PUDP: variants seen among roughly 807,000 people sequenced by gnomAD.
PUDP encodes pseudouridine 5'-phosphatase, also known as pseudouridine-5'-phosphatase.
A neutral mutation model predicts 9.4 loss-of-function variants in PUDP; 8 were observed. The observed-to-expected ratio is 0.85, with a 90% CI of 0.50 to 1.53. The LOEUF (loss-of-function observed/expected upper bound fraction) is 1.53. PUDP is among the 40% of genes most tolerant of loss of function. The probability of loss-of-function intolerance (pLI) is 0.00; values close to 1 mark genes in which losing one functional copy is unlikely to be tolerated. For missense variants in PUDP, 188 were observed against 189.7 expected, an observed-to-expected ratio of 0.99 and a Z score of 0.05; for synonymous variants, 99 against 80.7, an observed-to-expected ratio of 1.23 and a Z score of -1.22.
intron 3 of PUDP, among the ~76,000 whole-genome samples, chrX:7,060,396 C>A (rs941922191): frequency 3.6e-5 from 4 of 112,059 alleles, no homozygotes; most frequent in Non-Finnish European, 7.5e-5. Flanking sequence ...GTAGAATGTT[C>A]ATGAGGTAAG....
intron 3 of PUDP, among the ~76,000 whole-genome samples, chrX:6,899,890 A>T (rs1223059489): frequency 9.0e-6 from 1 of 111,393 alleles, no homozygotes. Context: ...CTTCAGGCCT[A>T]ACTGGAAAAA....
chrX:6,747,459 C>G (rs1243763436), intron 3 of PUDP, among the ~76,000 whole-genome samples: 1 of 112,285 alleles, frequency 8.9e-6, no homozygotes, highest in African/African-American at 3.2e-5. Flanking sequence ...CTATACATAT[C>G]ATTTTAGAGA....
At chrX:6,713,824 C>T (rs2146652177) in intron 1 of PUDP, among the ~76,000 whole-genome samples, 1 of 111,089 alleles carries the variant, frequency 9.0e-6, no homozygotes, top group South Asian at 3.8e-4. Context: ...GTGAAGAGCA[C>T]AGCTTAAGAG....
intron 3 of PUDP, among the ~76,000 whole-genome samples, chrX:6,944,110 C>T (rs1174203235): frequency 1.8e-5 from 2 of 110,974 alleles, no homozygotes; most frequent in African/African-American, 6.6e-5. Context: ...GTGGGAGGGA[C>T]CTGGTGGGAG....
chrX:6,759,884 G>T (rs1925209756), intron 3 of PUDP, among the ~76,000 whole-genome samples: 1 of 55,146 alleles, frequency 1.8e-5, no homozygotes, highest in South Asian at 1.6e-3. Flanking sequence ...ATAGCAACAT[G>T]GAGCAGTGCT....
chrX:6,938,670 A>G (rs1928349612), intron 3 of PUDP, among the ~76,000 whole-genome samples: 1 of 109,087 alleles, frequency 9.2e-6, no homozygotes, highest in Admixed American at 9.8e-5. Context: ...TAAAGTGAGG[A>G]CTAAATCTCA....
At chrX:6,723,179 A>G (rs1322750374), upstream of PUDP, among the ~76,000 whole-genome samples, 1 of 109,764 alleles carries the variant, frequency 9.1e-6, no homozygotes, top group Non-Finnish European at 1.9e-5. Flanking sequence ...ATAGATGTAC[A>G]TATGTGAACC....
chrX:6,884,545 G>A (rs1304988632), intron 3 of PUDP, among the ~76,000 whole-genome samples: 1 of 111,861 alleles, frequency 8.9e-6, no homozygotes, highest in East Asian at 2.8e-4. Context: ...AGTGATACAA[G>A]AAAGCAAATT....
At chrX:7,119,837 A>G in intron 1 of PUDP, among the ~76,000 whole-genome samples, 1 of 112,325 alleles carries the variant, frequency 8.9e-6, no homozygotes, top group Middle Eastern at 4.6e-3. Flanking sequence ...TGTATTGGGG[A>G]AAAATATTGA....
chrX:6,727,158 A>G (rs1189947420), intron 3 of PUDP, among the ~76,000 whole-genome samples: 1 of 111,524 alleles, frequency 9.0e-6, no homozygotes, highest in Non-Finnish European at 1.9e-5. Flanking sequence ...CATAAAACTG[A>G]TAAACAGATT....
downstream of PUDP, among the ~76,000 whole-genome samples, chrX:7,048,303 A>G (rs1930013309): frequency 8.9e-6 from 1 of 112,244 alleles, no homozygotes. Context: ...CCCTAATACG[A>G]CATACTTTCA....
At chrX:7,087,299 G>A (rs1236435982) in intron 2 of PUDP, among the ~76,000 whole-genome samples, 1 of 111,327 alleles carries the variant, frequency 9.0e-6, no homozygotes, top group Non-Finnish European at 1.9e-5. Flanking sequence ...GGGAGTTGAA[G>A]GTACAAGCCA....
chrX:7,038,444 T>C (rs760417819), intron 1 of PUDP, among the ~76,000 whole-genome samples: 1 of 112,577 alleles, frequency 8.9e-6, no homozygotes, highest in Non-Finnish European at 1.9e-5. Flanking sequence ...GTTCTTTTCA[T>C]TTTCATGATG....
rs141337900 is a variant in PUDP, at chrX:6,825,724, T to C, written c.*248-119258A>G. ...AGCAGAGTACAGGAGCTATGGAGCT[T>C]CCCAGAGAATTCCCTTCTTGTCTCT... On this transcript the variant is annotated intron_variant and NMD_transcript_variant, in intron 3 of 3. Coordinates refer to the PUDP transcript ENST00000655425. 6.3e-3 allele frequency among the ~76,000 whole-genome samples: 699 copies of C among 110,685 alleles called. 7 individuals carry two copies. Among genetic ancestry groups the C allele is most frequent in the African/African-American group, 0.021 (653 of 30,433 alleles).
At chrX:6,915,787 T>A (rs1444544494) in intron 3 of PUDP, among the ~76,000 whole-genome samples, 1 of 112,159 alleles carries the variant, frequency 8.9e-6, no homozygotes, top group Non-Finnish European at 1.9e-5. Context: ...CAAATTCTGA[T>A]ACTTTGTCCA....
intron 3 of PUDP, among the ~76,000 whole-genome samples, chrX:6,942,800 A>G (rs932601752): frequency 5.4e-5 from 6 of 111,508 alleles, no homozygotes; most frequent in Admixed American, 1.9e-4. Flanking sequence ...CCACATGAAG[A>G]TGGGGGCAGA....
At chrX:6,762,222 C>T (rs192479016) in intron 3 of PUDP, among the ~76,000 whole-genome samples, 94 of 111,569 alleles carry the variant, frequency 8.4e-4, no homozygotes, top group African/African-American at 2.9e-3. Flanking sequence ...ATACTTCCTG[C>T]GCCTCTGATG....
At chrX:6,922,906 A>G (rs1003812318) in intron 3 of PUDP, among the ~76,000 whole-genome samples, 3 of 112,225 alleles carry the variant, frequency 2.7e-5, no homozygotes, top group Non-Finnish European at 5.6e-5. Context: ...CTCCAGCTAC[A>G]TCACATGCTT....
chrX:6,759,992 A>C (rs1165129793), intron 3 of PUDP, among the ~76,000 whole-genome samples: 1 of 111,405 alleles, frequency 9.0e-6, no homozygotes, highest in Non-Finnish European at 1.9e-5. Flanking sequence ...GAACCTTCCC[A>C]CTTCTTCCCT....
Sources: gnomAD v4.1 joint callset for allele counts (sites outside exome capture counted in the v4.1 genomes callset) on GRCh38, gnomAD v4.1.1 for gene constraint, MANE v1.5 for transcripts, NCBI Gene and HGNC (gene_info 2026-07-23, HGNC 2026-07-21) for gene names.